TMEM132B: variants seen among roughly 807,000 people sequenced by gnomAD.
The protein encoded by TMEM132B is transmembrane protein 132B.
TMEM132B carries 18 observed loss-of-function variants against 90.8 expected under a neutral mutation model. The observed-to-expected ratio is 0.20, with a 90% confidence interval of 0.14 to 0.29. TMEM132B has a LOEUF of 0.29. TMEM132B is among the 10% of genes least tolerant of loss of function. TMEM132B has a pLI of 1.00. For missense variants in TMEM132B, 1,096 were observed against 1,326.8 expected, an observed-to-expected ratio of 0.83 and a Z score of 2.70; for synonymous variants, 504 against 523.3, an observed-to-expected ratio of 0.96 and a Z score of 0.50.
At chr12:125,488,725 T>C (rs1013011033) in intron 3 of TMEM132B, among the ~76,000 whole-genome samples, 1 of 152,240 alleles carries the variant, frequency 6.6e-6, no homozygotes, top group Non-Finnish European at 1.5e-5. Flanking sequence ...AACAGACTAA[T>C]ACAGCATCTA....
chr12:125,343,758 G>A (rs963535416), intron 1 of TMEM132B, among the ~76,000 whole-genome samples: 2 of 152,134 alleles, frequency 1.3e-5, no homozygotes, highest in African/African-American at 4.8e-5. Flanking sequence ...CCCTTTAAGC[G>A]ATATTTTCTC....
intron 6 of TMEM132B, among the ~76,000 whole-genome samples, chr12:125,647,076 C>A (rs1886782352): frequency 6.6e-6 from 1 of 152,018 alleles, no homozygotes; most frequent in Admixed American, 6.6e-5. Context: ...AACAAAAGCC[C>A]TCAATAGGCT....
intron 4 of TMEM132B, among the ~76,000 whole-genome samples, chr12:125,564,952 A>G (rs1343208849): frequency 6.6e-6 from 1 of 152,246 alleles, no homozygotes; most frequent in African/African-American, 2.4e-5. Flanking sequence ...AAGGATGAGT[A>G]GGGGTTTTCC....
chr12:125,434,693 T>C (rs1880649014), intron 3 of TMEM132B, among the ~76,000 whole-genome samples: 1 of 152,242 alleles, frequency 6.6e-6, no homozygotes, highest in Non-Finnish European at 1.5e-5. Context: ...TCCCTTGCCC[T>C]TTCAGCCTAG....
chr12:125,244,795 C>G (rs554829785), intron 1 of TMEM132B, among the ~76,000 whole-genome samples: 1 of 152,298 alleles, frequency 6.6e-6, no homozygotes, highest in Middle Eastern at 3.4e-3. Flanking sequence ...GATGGCTTTA[C>G]TATGAAAATT....
chr12:125,521,366 G>A (rs956234046), intron 4 of TMEM132B, among the ~76,000 whole-genome samples: 1 of 152,112 alleles, frequency 6.6e-6, no homozygotes, highest in Non-Finnish European at 1.5e-5. Flanking sequence ...AAAGATCAGT[G>A]GCAATTAATG....
intron 4 of TMEM132B, among the ~76,000 whole-genome samples, chr12:125,553,962 T>G (rs993050969): frequency 2.6e-5 from 4 of 152,226 alleles, no homozygotes; most frequent in Non-Finnish European, 4.4e-5. Context: ...CTGACTGTTC[T>G]GTGACCTTTA....
At chr12:125,539,913 A>T (rs1017884843) in intron 4 of TMEM132B, among the ~76,000 whole-genome samples, 9 of 151,904 alleles carry the variant, frequency 5.9e-5, no homozygotes, top group African/African-American at 2.2e-4. Flanking sequence ...CTCTTTTTTA[A>T]TATATTAAGG....
In TMEM132B at chr12:125,660,925, A is replaced by G. The variant is rs966623849; in HGVS notation, c.*6215A>G. On this transcript the variant is annotated 3_prime_UTR_variant, in exon 9 of 9. Transcript: ENST00000682704. The stretch of plus-strand genomic sequence containing the variant: ...ATTGCCCATTGGAGTAAAGCACTTT[A>G]CAGAGAGATGGATGCCGCTTTGGGA... The G allele has an allele frequency of 1.8e-4, 28 of 152,260 alleles. No homozygotes were observed. The highest frequency in any genetic ancestry group is 7.2e-4 in the Admixed American group (11 of 15,284). 9.4% of individuals were successfully genotyped at this position (152,260 alleles called of 1,614,324 possible). A position where few individuals can be genotyped will look rare whatever the true frequency, so the allele number is the denominator to read the frequency against.
intron 1 of TMEM132B, among the ~76,000 whole-genome samples, chr12:125,305,938 G>T (rs893493440): frequency 1.4e-4 from 21 of 152,230 alleles, no homozygotes; most frequent in Non-Finnish European, 2.6e-4. Flanking sequence ...AGCTTTTTGG[G>T]TAGAGAAGGA....
chr12:125,433,092 G>A (rs934392253), intron 3 of TMEM132B, among the ~76,000 whole-genome samples: 1 of 152,198 alleles, frequency 6.6e-6, no homozygotes, highest in Non-Finnish European at 1.5e-5. Context: ...CGTGCCCCAC[G>A]CTGTGCATGG....
At chr12:125,316,733 A>G (rs1479013303) in intron 1 of TMEM132B, among the ~76,000 whole-genome samples, 1 of 152,204 alleles carries the variant, frequency 6.6e-6, no homozygotes, top group Non-Finnish European at 1.5e-5. Flanking sequence ...CCAGATGTCC[A>G]CTAGACACAA....
chr12:125,595,743 T>G (rs1885423795), intron 5 of TMEM132B, among the ~76,000 whole-genome samples: 1 of 152,200 alleles, frequency 6.6e-6, no homozygotes, highest in Non-Finnish European at 1.5e-5. Context: ...GTGCTAGGGC[T>G]GGGATTTGAG....
At chr12:125,314,378 GCT>G (rs961075313) in intron 1 of TMEM132B, among the ~76,000 whole-genome samples, 2 of 152,214 alleles carry the variant, frequency 1.3e-5, no homozygotes, top group Admixed American at 6.5e-5. Flanking sequence ...CAGATGGGAG[GCT>G]CTTTCTTTCC....
In TMEM132B at chr12:125,644,266, T is replaced by A; in HGVS notation, c.1628T>A (p.Val543Asp). 6.2e-7 allele frequency: 1 copy of A among 1,614,080 alleles called. No individual in the cohort carries two copies. The highest frequency in any genetic ancestry group is 8.5e-7 in the Non-Finnish European group (1 of 1,180,020). Reference protein sequence around the residue: ...LSQIKGWRIPVAANRRPTRES... With the variant: ...LSQIKGWRIPDAANRRPTRES... ...CAGATCAAGGGCTGGAGGATCCCGGTTGCTGCCAACAGAAGGTGAGGAATC... is the reference window on the plus strand; with the variant it reads ...CAGATCAAGGGCTGGAGGATCCCGGATGCTGCCAACAGAAGGTGAGGAATC... The change falls in exon 6 of 9, where the codon GTT (valine) becomes GAT (aspartate). Residue 543 changes from valine (V) to aspartate (D), a missense_variant. Coordinates refer to ENST00000682704, the MANE Select transcript of TMEM132B (RefSeq NM_001366854.1).
At chr12:125,556,478 C>CG (rs988561820) in intron 4 of TMEM132B, among the ~76,000 whole-genome samples, 2 of 152,052 alleles carry the variant, frequency 1.3e-5, no homozygotes, top group African/African-American at 4.8e-5. Context: ...AAGAAAAACC[C>CG]GGGGGATGTG....
At chr12:125,647,050 T>A (rs7973777) in intron 6 of TMEM132B, among the ~76,000 whole-genome samples, 26,663 of 151,590 alleles carry the variant, frequency 0.18, 2,384 homozygotes, top group South Asian at 0.23. Context: ...TTATAGAAAA[T>A]ATAGGAAAGA....
At chr12:125,228,349 G>C (rs945658255) in intron 1 of TMEM132B, among the ~76,000 whole-genome samples, 1 of 152,200 alleles carries the variant, frequency 6.6e-6, no homozygotes, top group Non-Finnish European at 1.5e-5. Context: ...TGGTAGGCGA[G>C]TGAGGAGGGA....
intron 1 of TMEM132B, among the ~76,000 whole-genome samples, chr12:125,309,644 C>A (rs552830363): frequency 4.6e-5 from 7 of 152,084 alleles, no homozygotes; most frequent in African/African-American, 1.7e-4. Context: ...GAAGAGCTAA[C>A]GGAGATGTGC....
Sources: allele counts gnomAD v4.1 joint callset (sites outside exome capture counted in the v4.1 genomes callset), GRCh38; gene constraint gnomAD v4.1.1; transcripts MANE v1.5; gene names NCBI Gene and HGNC (gene_info 2026-07-23, HGNC 2026-07-21).